AIFM2: variants seen among roughly 807,000 people sequenced by gnomAD.
The protein encoded by AIFM2 is ferroptosis suppressor protein 1.
AIFM2 carries 38 observed loss-of-function variants against 35.7 expected under a neutral mutation model. The observed-to-expected ratio is 1.06, with a 90% CI of 0.82 to 1.39. The LOEUF is 1.39. Ranked by LOEUF, AIFM2 falls within the 40% of genes most tolerant of loss-of-function variation. The pLI is 0.00. For synonymous variants in AIFM2, 185 were observed against 203.5 expected (o/e 0.91, Z 0.77); for missense variants, 476 against 491.2 (o/e 0.97, Z 0.29).
rs2072605447 is a variant in AIFM2, at chr10:70,129,536, C to G, written c.-14+3198G>C. Among the ~76,000 whole-genome samples, 4 of 152,054 alleles carry G rather than the reference C, an allele frequency of 2.6e-5. No homozygotes were observed. The South Asian group carries it at 8.3e-4, about 32-fold the overall frequency. Reference sequence around the variant, plus strand: ...AGTTAGCATCTGTTGCACTTTTGCCCATATCTTCGATTTAAGGTATGAGTT... The same window carrying G: ...AGTTAGCATCTGTTGCACTTTTGCCGATATCTTCGATTTAAGGTATGAGTT... On this transcript the variant is annotated intron_variant, in intron 1 of 8. Coordinates refer to ENST00000307864, the MANE Select transcript of AIFM2 (RefSeq NM_032797.6).
At chr10:70,119,437 C>T (rs909764321) in intron 5 of AIFM2, among the ~76,000 whole-genome samples, 17 of 152,044 alleles carry the variant, frequency 1.1e-4, no homozygotes, top group Non-Finnish European at 5.9e-5. Flanking sequence ...GTGGGGTCTG[C>T]GCTAACGCCA....
intron 1 of AIFM2, among the ~76,000 whole-genome samples, chr10:70,130,368 T>C (rs960058399): frequency 6.6e-6 from 1 of 152,180 alleles, no homozygotes; most frequent in Non-Finnish European, 1.5e-5. Flanking sequence ...TCTGTCTCTA[T>C]AGATTTGTCT....
In AIFM2 at chr10:70,125,453, A is replaced by T. The variant is rs1299684468; in HGVS notation, c.-13-1356T>A. Reference sequence around the variant, plus strand: ...CTGTCTCTACAAAAAAAAAAAAAAAAAAAAAAAAAAAAAAAAAAGCCAGGC... The same window carrying T: ...CTGTCTCTACAAAAAAAAAAAAAAATAAAAAAAAAAAAAAAAAAGCCAGGC... On this transcript the variant is annotated intron_variant, in intron 1 of 8. Coordinates refer to ENST00000307864, the MANE Select transcript of AIFM2 (RefSeq NM_032797.6). 6.6e-5 allele frequency among the ~76,000 whole-genome samples: 3 copies of T among 45,652 alleles called. No homozygotes were observed. The East Asian group carries it at 2.6e-3, about 39-fold the overall frequency. 29.9% of individuals were successfully genotyped at this position (45,652 alleles called of 152,430 possible).
At chr10:70,119,767 C>T (rs1230530514) in intron 5 of AIFM2, among the ~76,000 whole-genome samples, 3 of 152,188 alleles carry the variant, frequency 2.0e-5, no homozygotes, top group Admixed American at 6.5e-5. Context: ...TCTCAGAAGC[C>T]GATCTGGCTT....
rs1298848507 is a variant in AIFM2, at chr10:70,117,777, G to A, written c.616+35C>T. On this transcript the variant is annotated intron_variant, in intron 6 of 8. Transcript: ENST00000307864. The surrounding 1 kb of genome is among the most constrained non-coding windows in gnomAD (Gnocchi z 4.7). ...CTCCAAGCCACATCTCACCAGGCCA[G>A]GGCAGGGCAGGGAGGGAGGTGAGGG... 6.4e-7 allele frequency: 1 copy of A among 1,555,024 alleles called. No individual in the cohort carries two copies. The highest frequency in any genetic ancestry group is 8.8e-7 in the Non-Finnish European group (1 of 1,139,798).
intron 1 of AIFM2, among the ~76,000 whole-genome samples, chr10:70,130,393 A>C (rs2072615118): frequency 6.6e-6 from 1 of 152,172 alleles, no homozygotes; most frequent in South Asian, 2.1e-4. Context: ...TAGACAATTC[A>C]TGTAGATGGA....
chr10:70,114,781 A>G, intron 8 of AIFM2, 139 bp downstream of exon 8: 3 of 1,117,664 alleles, frequency 2.7e-6, no homozygotes, highest in South Asian at 3.0e-5. Context: ...GCCTATTTTT[A>G]AAGAGCTCTA....
intron 1 of AIFM2, among the ~76,000 whole-genome samples, chr10:70,127,015 A>C (rs1018138379): frequency 3.9e-5 from 6 of 152,192 alleles, no homozygotes; most frequent in African/African-American, 9.6e-5. Flanking sequence ...GAATCTGCCA[A>C]CTGGGCCAGA....
rs1325024451 is a variant in AIFM2 at position 70,131,850 on chromosome 10, G to A, written c.-14+884C>T. On this transcript the variant is annotated intron_variant, in intron 1 of 8. Coordinates refer to ENST00000307864, the MANE Select transcript of AIFM2 (RefSeq NM_032797.6). This position sits in a 1 kb window ranked among gnomAD's most constrained non-coding sequence, Gnocchi z 4.1. Reference sequence around the variant, plus strand: ...GAGGGCAGGTGTGATCTGAGATCCCGGGGCTCTCTGGCAGGTGCATGCACG... The same window carrying A: ...GAGGGCAGGTGTGATCTGAGATCCCAGGGCTCTCTGGCAGGTGCATGCACG... Among the ~76,000 whole-genome samples, 2 of 152,136 alleles carry A rather than the reference G, an allele frequency of 1.3e-5. No individual in the cohort carries two copies. Among genetic ancestry groups the A allele is most frequent in the African/African-American group, 2.4e-5 (1 of 41,416 alleles).
chr10:70,115,151 C>T lies in AIFM2; in HGVS notation c.770-31G>A, dbSNP rs1426216555. The T allele has an allele frequency of 3.7e-6, 6 of 1,608,916 alleles. No individual in the cohort carries two copies. In the African/African-American group the frequency reaches 6.7e-5, roughly 18 times the overall value. ...AGAAGAAATGACACCGAAACCAAGA[C>T]ACTGAGCTGCTGTGTTAAGTGGCCA... On this transcript the variant is annotated intron_variant, in intron 7 of 8. Coordinates refer to ENST00000307864, the MANE Select transcript of AIFM2 (RefSeq NM_032797.6).
intron 7 of AIFM2, 96 bp downstream of exon 7, chr10:70,116,526 C>G: frequency 1.4e-6 from 2 of 1,471,372 alleles, no homozygotes; most frequent in Non-Finnish European, 1.9e-6. Context: ...GGGAAGGCAG[C>G]AAGGTGTGGA....
Position 70,123,935 on chromosome 10 carries a change from C to T in AIFM2, c.150G>A (p.Val50=). 1.2e-6 allele frequency: 2 copies of T among 1,601,608 alleles called. No individual in the cohort carries two copies. Among genetic ancestry groups the T allele is most frequent in the South Asian group, 2.2e-5 (2 of 90,374 alleles). The change falls in exon 2 of 9, where the codon GTG becomes GTA. Residue 50 remains valine, a synonymous_variant. Coordinates refer to ENST00000307864, the MANE Select transcript of AIFM2 (RefSeq NM_032797.6). The part of the protein sequence containing the change: ...VDMKDSFHHN[V]AALRASVETG... ...TCTCCACGGAGGCTCGGAGAGCAGC[C>T]ACATTGTGGTGGAAGGAGTCCTTCA...
Position 70,113,925 on chromosome 10 carries a change from C to T in AIFM2, c.*253G>A. On this transcript the variant is annotated 3_prime_UTR_variant, in exon 9 of 9. Coordinates refer to ENST00000307864, the MANE Select transcript of AIFM2 (RefSeq NM_032797.6). Reference sequence around the variant, plus strand: ...CCTCCCCAGCACCATGCAGCCAGCACACATGAGCCGCTCACCCAGTACCAC... The same window carrying T: ...CCTCCCCAGCACCATGCAGCCAGCATACATGAGCCGCTCACCCAGTACCAC... The T allele has an allele frequency of 2.1e-6, 1 of 466,916 alleles. No homozygotes were observed. The highest frequency in any genetic ancestry group is 3.8e-6 in the Non-Finnish European group (1 of 261,158). 28.9% of individuals were successfully genotyped at this position (466,916 alleles called of 1,614,324 possible).
rs35599207 is a variant in AIFM2 at position 70,121,223 on chromosome 10, CAAAAAAAAAAAAAAAA to C, written c.295-28_295-13del. 2.1e-4 allele frequency: 143 copies of C among 665,258 alleles called. No individual in the cohort carries two copies. Among genetic ancestry groups the C allele is most frequent in the East Asian group, 9.6e-4 (8 of 8,318 alleles). 41.2% of individuals were successfully genotyped at this position (665,258 alleles called of 1,614,324 possible). ...GAGAAGGGCAGGGCCTGAGAGAAAC[CAAAAAAAAAAAAAAAA>C]AAAAAAAAAAAAAGATGAGGGTAGG... On this transcript the variant is annotated splice_polypyrimidine_tract_variant and intron_variant, in intron 3 of 8. Coordinates refer to ENST00000307864, the MANE Select transcript of AIFM2 (RefSeq NM_032797.6).
rs1187694698 is a variant in AIFM2, at chr10:70,113,088, C to G, written c.*1090G>C. Reference sequence around the variant, plus strand: ...ACATTATCTGCCCTTCCTTAAACACCTCCAATGGCTGGCAGGCCAGGCTGC... The same window carrying G: ...ACATTATCTGCCCTTCCTTAAACACGTCCAATGGCTGGCAGGCCAGGCTGC... On this transcript the variant is annotated 3_prime_UTR_variant, in exon 9 of 9. Transcript: ENST00000307864. 6.6e-6 allele frequency: 1 copy of G among 152,210 alleles called. No homozygotes were observed. The highest frequency in any genetic ancestry group is 1.5e-5 in the Non-Finnish European group (1 of 68,066). 9.4% of individuals were successfully genotyped at this position (152,210 alleles called of 1,614,324 possible).
intron 1 of AIFM2, among the ~76,000 whole-genome samples, chr10:70,124,639 A>G (rs1321218325): frequency 1.3e-5 from 2 of 152,212 alleles, no homozygotes; most frequent in African/African-American, 2.4e-5. Flanking sequence ...TACAAAGTCA[A>G]AGAACCAGGT....
In AIFM2 at chr10:70,131,692, A is replaced by G. The variant is rs58750436; in HGVS notation, c.-14+1042T>C. Among the ~76,000 whole-genome samples the G allele has an allele frequency of 0.033, 5,099 of 152,230 alleles. 304 individuals carry two copies. The highest frequency in any genetic ancestry group is 0.12 in the African/African-American group (4,830 of 41,528). ...AAAAGTCAGGCTGGCCCTGGAGTCCACCGGCCTGCCCAGCCCATCACTTCT... is the reference window on the plus strand; with the variant it reads ...AAAAGTCAGGCTGGCCCTGGAGTCCGCCGGCCTGCCCAGCCCATCACTTCT... On this transcript the variant is annotated intron_variant, in intron 1 of 8. Transcript: ENST00000307864. The surrounding 1 kb of genome is among the most constrained non-coding windows in gnomAD (Gnocchi z 4.1).
At position 70,123,479 on chromosome 10, in the gene AIFM2, T is replaced by G. The variant is rs777858004; in HGVS notation, c.220A>C (p.Lys74Gln). 6.8e-6 allele frequency: 11 copies of G among 1,614,110 alleles called. No individual in the cohort carries two copies. In the South Asian group the frequency reaches 1.2e-4, roughly 18 times the overall value. Residue 74 changes from lysine (K) to glutamine (Q), a missense_variant, in exon 3 of 9, where the codon AAG becomes CAG. By Grantham distance (53) the Lys-to-Gln change is moderately conservative. Coordinates refer to ENST00000307864, the MANE Select transcript of AIFM2 (RefSeq NM_032797.6). ...ACTAGCCCCTGCCGGAAGTTGTCCTTGAAAGTCACCGAGTAAGAAATGAAT... is the reference window on the plus strand; with the variant it reads ...ACTAGCCCCTGCCGGAAGTTGTCCTGGAAAGTCACCGAGTAAGAAATGAAT... ...KTFISYSVTF[K>Q]DNFRQGLVVG...
intron 1 of AIFM2, among the ~76,000 whole-genome samples, chr10:70,130,219 G>C (rs1170200674): frequency 6.6e-6 from 1 of 152,152 alleles, no homozygotes; most frequent in Non-Finnish European, 1.5e-5. Context: ...TTCAAAAAAA[G>C]ATGTAAGTTC....
Sources: gnomAD v4.1 joint callset for allele counts (sites outside exome capture counted in the v4.1 genomes callset) on GRCh38, gnomAD v4.1.1 for gene constraint, Gnocchi (gnomAD v3.1) non-coding constraint, MANE v1.5 for transcripts, NCBI Gene and HGNC (gene_info 2026-07-23, HGNC 2026-07-21) for gene names.